Variants in TMEM26 observed in about 807,000 individuals in gnomAD.
TMEM26 encodes transmembrane protein 26.
Under a neutral mutation model 28.8 loss-of-function variants are expected in TMEM26, and 38 were observed. The ratio of observed to expected loss-of-function variants is 1.32; its 90% confidence interval spans 1.02 to 1.73. The LOEUF is 1.73. Among genes scored for constraint, TMEM26 ranks in the 40% most tolerant of loss-of-function variants. TMEM26 has a pLI of 0.00. For missense variants in TMEM26, 518 were observed against 447.1 expected, an observed-to-expected ratio of 1.16 and a Z score of -1.43; for synonymous variants, 227 against 182.9, an observed-to-expected ratio of 1.24 and a Z score of -1.95.
chr10:61,415,178 T>C (rs892695910), intron 4 of TMEM26: 3 of 984,674 alleles, frequency 3.0e-6, no homozygotes, highest in African/African-American at 3.5e-5. Context: ...TAGAATTGGA[T>C]AGAAGAAAGA....
intron 5 of TMEM26, among the ~76,000 whole-genome samples, chr10:61,411,285 G>T (rs1839565490): frequency 6.6e-6 from 1 of 152,114 alleles, no homozygotes; most frequent in Non-Finnish European, 1.5e-5. Flanking sequence ...TGAGGAGAGG[G>T]GTCCCTATTC....
At position 61,436,131 on chromosome 10, in the gene TMEM26, T is replaced by A. The variant is rs766401903; in HGVS notation, c.270+39A>T. Reference sequence around the variant, plus strand: ...GGATCATACTGTGAAAGTAGCTTATTGCTGAATAGGTCAATTCCTACTTTC... The same window carrying A: ...GGATCATACTGTGAAAGTAGCTTATAGCTGAATAGGTCAATTCCTACTTTC... On this transcript the variant is annotated intron_variant, in intron 2 of 5. Transcript: ENST00000399298. 5.5e-5 allele frequency: 72 copies of A among 1,307,298 alleles called. 1 individual carries two copies. Among genetic ancestry groups the A allele is most frequent in the Middle Eastern group, 3.7e-4 (2 of 5,438 alleles). 81.0% of individuals were successfully genotyped at this position (1,307,298 alleles called of 1,614,324 possible). A position where few individuals can be genotyped will look rare whatever the true frequency, so the allele number is the denominator to read the frequency against.
In TMEM26 at chr10:61,407,295, C is replaced by G. The variant is rs1036925131; in HGVS notation, c.*3027G>C. 5 of 152,112 alleles carry G rather than the reference C, an allele frequency of 3.3e-5. No individual in the cohort carries two copies. The highest frequency in any genetic ancestry group is 5.9e-5 in the Non-Finnish European group (4 of 68,012). 9.4% of individuals were successfully genotyped at this position (152,112 alleles called of 1,614,324 possible). A position where few individuals can be genotyped will look rare whatever the true frequency, so the allele number is the denominator to read the frequency against. On this transcript the variant is annotated 3_prime_UTR_variant, in exon 6 of 6. Coordinates refer to ENST00000399298, the MANE Select transcript of TMEM26 (RefSeq NM_178505.8). ...AACAATTAGTATTATAATAGTGAAT[C>G]CTGCTATTCCTTGGCCATATCTATA...
intron 2 of TMEM26, 96 bp from the exon 3 acceptor site, chr10:61,431,428 G>T: frequency 1.2e-6 from 1 of 861,630 alleles, no homozygotes; most frequent in Non-Finnish European, 1.9e-6. Flanking sequence ...ATTATGAGCA[G>T]ATATGCAGAG....
chr10:61,412,212 G>A (rs1187217509), intron 5 of TMEM26, among the ~76,000 whole-genome samples: 2 of 152,060 alleles, frequency 1.3e-5, no homozygotes, highest in Non-Finnish European at 2.9e-5. Flanking sequence ...TGACCAATGA[G>A]TATAGCATAC....
At chr10:61,414,150 T>A in intron 4 of TMEM26, 2 of 702,074 alleles carry the variant, frequency 2.8e-6, no homozygotes, top group Middle Eastern at 7.3e-4. Context: ...CAACATATAT[T>A]TATGGAAGGA....
chr10:61,435,539 C>G (rs1839990183), intron 2 of TMEM26, among the ~76,000 whole-genome samples: 1 of 152,166 alleles, frequency 6.6e-6, no homozygotes, highest in South Asian at 2.1e-4. Flanking sequence ...GCTCACCTTC[C>G]ACATGGTGGG....
At chr10:61,452,412 T>C (rs1199431072) in intron 1 of TMEM26, among the ~76,000 whole-genome samples, 1 of 152,224 alleles carries the variant, frequency 6.6e-6, no homozygotes, top group African/African-American at 2.4e-5. Flanking sequence ...GAGGGTCTTC[T>C]CGTCTTAGGA....
At chr10:61,446,417 A>T (rs1366761505) in intron 1 of TMEM26, among the ~76,000 whole-genome samples, 1 of 152,238 alleles carries the variant, frequency 6.6e-6, no homozygotes, top group East Asian at 1.9e-4. Context: ...GGTTTCAGAT[A>T]TCTCAATAAA....
At position 61,453,206 on chromosome 10, in the gene TMEM26, T is replaced by A; in HGVS notation, c.-125A>T. 1.0e-6 allele frequency: 1 copy of A among 999,152 alleles called. No homozygotes were observed. The highest frequency in any genetic ancestry group is 1.4e-6 in the Non-Finnish European group (1 of 691,426). 61.9% of individuals were successfully genotyped at this position (999,152 alleles called of 1,614,324 possible). A position where few individuals can be genotyped will look rare whatever the true frequency, so the allele number is the denominator to read the frequency against. On this transcript the variant is annotated 5_prime_UTR_variant, in exon 1 of 6. In the 5' UTR this introduces an upstream ATG that the reference lacks. Coordinates refer to ENST00000399298, the MANE Select transcript of TMEM26 (RefSeq NM_178505.8). ...GAGACCTGCTGCTGCTTGTGGTCCC[T>A]TCTCACCCTCAGCGCCCGATGCCGG...
At chr10:61,445,200 T>A (rs973857006) in intron 1 of TMEM26, among the ~76,000 whole-genome samples, 2 of 152,208 alleles carry the variant, frequency 1.3e-5, no homozygotes, top group African/African-American at 4.8e-5. Flanking sequence ...ATCACCATCA[T>A]CATTTTCATC....
At chr10:61,450,703 C>G (rs943369187) in intron 1 of TMEM26, among the ~76,000 whole-genome samples, 11 of 151,612 alleles carry the variant, frequency 7.3e-5, no homozygotes, top group Non-Finnish European at 1.2e-4. Context: ...CAAGATTTTC[C>G]TTGAATTCAT....
At chr10:61,432,229 T>A (rs901002501) in intron 2 of TMEM26, among the ~76,000 whole-genome samples, 1 of 152,154 alleles carries the variant, frequency 6.6e-6, no homozygotes, top group African/African-American at 2.4e-5. Flanking sequence ...TGTCAAGTAC[T>A]GTAACAACCT....
chr10:61,417,876 A>G (rs1167285874), intron 4 of TMEM26, among the ~76,000 whole-genome samples: 5 of 152,180 alleles, frequency 3.3e-5, no homozygotes, highest in Non-Finnish European at 5.9e-5. Context: ...TCCTTTCCCC[A>G]ACAAACATGT....
intron 3 of TMEM26, among the ~76,000 whole-genome samples, chr10:61,430,624 G>C (rs757722881): frequency 6.6e-6 from 1 of 150,908 alleles, no homozygotes; most frequent in South Asian, 2.1e-4. Flanking sequence ...AAGGTTGTGG[G>C]ATAAAAGGTT....
intron 4 of TMEM26, among the ~76,000 whole-genome samples, chr10:61,415,380 C>G (rs1251337707): frequency 6.6e-6 from 1 of 152,070 alleles, no homozygotes; most frequent in East Asian, 1.9e-4. Context: ...GCTTTTCCCT[C>G]TTTACACAGT....
chr10:61,437,657 G>C (rs1405738957), intron 1 of TMEM26, among the ~76,000 whole-genome samples: 1 of 151,790 alleles, frequency 6.6e-6, no homozygotes, highest in Non-Finnish European at 1.5e-5. Flanking sequence ...GAGTGGTCTG[G>C]GCCTGTAATC....
intron 3 of TMEM26, among the ~76,000 whole-genome samples, 167 bp from the exon 4 acceptor site, chr10:61,429,313 G>GA (rs1199125525): frequency 2.0e-5 from 3 of 151,868 alleles, no homozygotes; most frequent in Non-Finnish European, 4.4e-5. Flanking sequence ...TGAACACTCT[G>GA]AAAAAAATAA....
chr10:61,434,077 G>C (rs765611367), intron 2 of TMEM26, among the ~76,000 whole-genome samples: 1 of 152,156 alleles, frequency 6.6e-6, no homozygotes, highest in Non-Finnish European at 1.5e-5. Context: ...TAAATGAGTA[G>C]ACTAGAAGAA....
Sources: allele counts gnomAD v4.1 joint callset (sites outside exome capture counted in the v4.1 genomes callset), GRCh38; gene constraint gnomAD v4.1.1; transcripts MANE v1.5; gene names NCBI Gene and HGNC (gene_info 2026-07-23, HGNC 2026-07-21).